TOGARAM1: variants seen among roughly 807,000 people sequenced by gnomAD.
TOGARAM1 encodes the protein TOG array regulator of axonemal microtubules 1, also known as TOG array regulator of axonemal microtubules protein 1.
In TOGARAM1, 100 loss-of-function variants were observed where a neutral mutation model predicts 166.6. That is an observed-to-expected ratio of 0.60 (90% CI 0.51 to 0.71). The LOEUF (loss-of-function observed/expected upper bound fraction) is 0.71, where lower values mean the gene tolerates loss of function less well. TOGARAM1 is among the 30% of genes least tolerant of loss of function. TOGARAM1 has a pLI of 0.00. For synonymous variants in TOGARAM1, 758 were observed against 763.8 expected, an observed-to-expected ratio of 0.99 and a Z score of 0.13; for missense variants, 2,029 against 2,102.7, an observed-to-expected ratio of 0.96 and a Z score of 0.69.
At chr14:45,046,430 T>C in intron 13 of TOGARAM1, 115 bp from the exon 14 acceptor site, 1 of 872,730 alleles carries the variant, frequency 1.1e-6, no homozygotes, top group Non-Finnish European at 1.5e-6. Context: ...AGCAAGACCC[T>C]GTCCCAAAAA....
chr14:45,057,895 T>A (rs1416635881), intron 16 of TOGARAM1, among the ~76,000 whole-genome samples: 1 of 152,218 alleles, frequency 6.6e-6, no homozygotes, highest in Non-Finnish European at 1.5e-5. Context: ...CATGTGCTGA[T>A]GAGAAAGATG....
Position 45,068,611 on chromosome 14 carries a change from C to CA in TOGARAM1, c.4940dup (p.Asn1647LysfsTer40). 1 of 1,610,594 alleles carries CA rather than the reference C, an allele frequency of 6.2e-7. No homozygotes were observed. Among genetic ancestry groups the CA allele is most frequent in the African/African-American group, 1.3e-5 (1 of 74,898 alleles). On this transcript the variant is annotated frameshift_variant, in exon 18 of 20. Coordinates refer to ENST00000361462, the MANE Select transcript of TOGARAM1 (RefSeq NM_001308120.2). LOFTEE classifies it high-confidence loss of function. ...AATCCAGGCATCTATGCGGCTGCTA[C>CA]AAATGTTGTTCAGGCACTGAGTCAG...
intron 1 of TOGARAM1, among the ~76,000 whole-genome samples, chr14:44,984,781 AAAT>A (rs1224296180): frequency 6.6e-6 from 1 of 151,814 alleles, no homozygotes; most frequent in African/African-American, 2.4e-5. Context: ...TCTCTAAAAA[AAAT>A]AAAAATAATT....
rs1400940442 is a variant in TOGARAM1 at position 45,043,701 on chromosome 14, G to A, written c.3828G>A (p.Glu1276=). The A allele has an allele frequency of 6.2e-7, 1 of 1,604,816 alleles. No individual in the cohort carries two copies. The highest frequency in any genetic ancestry group is 8.5e-7 in the Non-Finnish European group (1 of 1,171,736). The change falls in exon 12 of 20, where the codon GAG becomes GAA. Residue 1276 remains glutamate (E), a synonymous_variant. Coordinates refer to ENST00000361462, the MANE Select transcript of TOGARAM1 (RefSeq NM_001308120.2). ...LADEDWEKKI[E]GLNFIRCLAA... is the part of the protein sequence containing the mutation. Reference sequence around the variant, plus strand: ...TTTCTCATAGGGAGAAGAAAATTGAGGGACTGAATTTTATTAGATGCTTAG... The same window carrying A: ...TTTCTCATAGGGAGAAGAAAATTGAAGGACTGAATTTTATTAGATGCTTAG...
intron 1 of TOGARAM1, among the ~76,000 whole-genome samples, chr14:44,971,927 C>T (rs1310318194): frequency 2.6e-5 from 4 of 152,078 alleles, no homozygotes. Context: ...ACTCATAGTT[C>T]CTCATGGCTG....
intron 1 of TOGARAM1, among the ~76,000 whole-genome samples, chr14:44,965,163 G>A (rs1885459781): frequency 6.6e-6 from 1 of 152,046 alleles, no homozygotes; most frequent in Non-Finnish European, 1.5e-5. Context: ...AAAGTAAATT[G>A]TGGATATCTT....
At chr14:45,027,591 CAGT>C in intron 9 of TOGARAM1, 117 bp downstream of exon 9, 4 of 830,046 alleles carry the variant, frequency 4.8e-6, no homozygotes, top group Non-Finnish European at 6.8e-6. Context: ...AATCTTAGTA[CAGT>C]TGAAATTTTG....
At chr14:45,053,032 C>CT (rs1177460413) in intron 15 of TOGARAM1, among the ~76,000 whole-genome samples, 5,237 of 128,642 alleles carry the variant, frequency 0.041, 164 homozygotes, top group South Asian at 0.065. Flanking sequence ...AGTGCAATGT[C>CT]TTTTTTTTTT....
chr14:44,963,475 C>T lies in TOGARAM1; in HGVS notation c.1054C>T (p.Pro352Ser), dbSNP rs780808572. Residue 352 changes from proline to serine, a missense_variant, in exon 1 of 20, where the codon CCT becomes TCT. Around this residue, in one of 2 missense-constraint regions of TOGARAM1, gnomAD observed 1,453 missense variants for 1,432.2 expected, o/e 1.01. Coordinates refer to ENST00000361462, the MANE Select transcript of TOGARAM1 (RefSeq NM_001308120.2). ...CAGCAATCTTAAATTTGGGATTATT[C>T]CTCAGGAGCTGCATTCACGATTATT... ...SNSNLKFGII[P>S]QELHSRLLDQ... 6 of 1,614,174 alleles carry T rather than the reference C, an allele frequency of 3.7e-6. No individual in the cohort carries two copies. Among genetic ancestry groups the T allele is most frequent in the Non-Finnish European group, 5.1e-6 (6 of 1,180,038 alleles).
At chr14:45,011,783 A>T in intron 6 of TOGARAM1, 192 bp from the exon 7 acceptor site, 1 of 417,876 alleles carries the variant, frequency 2.4e-6, no homozygotes. Flanking sequence ...AGCAAAATAT[A>T]TATGTGTGTG....
chr14:44,962,862 A>G lies in TOGARAM1; in HGVS notation c.441A>G (p.Gly147=), dbSNP rs762706089. Residue 147 remains glycine (G), a synonymous_variant, in exon 1 of 20, where the codon GGA becomes GGG. Transcript: ENST00000361462. The part of the protein sequence containing the change: ...YRALGRVLVE[G]GSDEKRLCLQ... Reference sequence around the variant, plus strand: ...CACTGGGCCGAGTGCTTGTGGAAGGAGGTAGTGATGAGAAGCGGCTCTGCT... The same window carrying G: ...CACTGGGCCGAGTGCTTGTGGAAGGGGGTAGTGATGAGAAGCGGCTCTGCT... 6.2e-7 allele frequency: 1 copy of G among 1,613,432 alleles called. No homozygotes were observed. Among genetic ancestry groups the G allele is most frequent in the Non-Finnish European group, 8.5e-7 (1 of 1,180,002 alleles).
At chr14:45,068,321 A>G in intron 17 of TOGARAM1, 103 bp from the exon 18 acceptor site, 1 of 854,272 alleles carries the variant, frequency 1.2e-6, no homozygotes, top group East Asian at 2.7e-5. Context: ...TATATATTTA[A>G]ACTGAGTAAA....
intron 11 of TOGARAM1, among the ~76,000 whole-genome samples, chr14:45,035,476 GAGA>G (rs1566652036): frequency 1.3e-5 from 2 of 152,164 alleles, no homozygotes; most frequent in South Asian, 2.1e-4. Flanking sequence ...TTACCAGACA[GAGA>G]AGGAGACAGA....
chr14:45,066,658 T>C lies in TOGARAM1; in HGVS notation c.4640T>C (p.Ile1547Thr). ...GAAAGTGCTGAGTACCTTAAACTCA[T>C]AACTGGCTTATTAAATGCAAAAGAC... Reference protein sequence around the residue: ...SLESAEYLKLITGLLNAKDFR... With the variant: ...SLESAEYLKLTTGLLNAKDFR... Residue 1547 changes from isoleucine to threonine, a missense_variant, in exon 17 of 20, where the codon ATA becomes ACA. Ile to Thr is a moderately conservative substitution (Grantham distance 89). Transcript: ENST00000361462. 3 of 1,614,018 alleles carry C rather than the reference T, an allele frequency of 1.9e-6. No homozygotes were observed. The highest frequency in any genetic ancestry group is 2.2e-5 in the East Asian group (1 of 44,874).
Position 44,963,042 on chromosome 14 carries a change from G to A in TOGARAM1, c.621G>A (p.Leu207=). The change falls in exon 1 of 20, where the codon CTG becomes CTA. Residue 207 remains leucine (L), a synonymous_variant. Coordinates refer to ENST00000361462, the MANE Select transcript of TOGARAM1 (RefSeq NM_001308120.2). The stretch of plus-strand genomic sequence containing the variant: ...CGCTGCAGATCCTTCATATATGTCT[G>A]AAACGTAGTCCTGGAGAGGTGCTGA... The part of the protein sequence containing the change: ...KDALQILHIC[L]KRSPGEVLRT... The A allele has an allele frequency of 6.2e-7, 1 of 1,614,192 alleles. No individual in the cohort carries two copies. Among genetic ancestry groups the A allele is most frequent in the Non-Finnish European group, 8.5e-7 (1 of 1,180,032 alleles).
rs573366257 is a variant in TOGARAM1 at position 45,030,286 on chromosome 14, TTATC to T, written c.3659-1933_3659-1930del. The stretch of plus-strand genomic sequence containing the variant: ...AATCTCAAGGTTGAAAATTTGGTGT[TTATC>T]TATATCTCTTTCTAATGAGTTATTG... On this transcript the variant is annotated intron_variant, in intron 10 of 19. Transcript: ENST00000361462. Among the ~76,000 whole-genome samples the T allele has an allele frequency of 1.2e-4, 18 of 152,348 alleles. No individual in the cohort carries two copies. The South Asian group carries it at 2.9e-3, about 25-fold the overall frequency.
intron 4 of TOGARAM1, 61 bp downstream of exon 4, chr14:45,004,427 C>A: frequency 7.4e-7 from 1 of 1,359,342 alleles, no homozygotes; most frequent in Non-Finnish European, 1.0e-6. Context: ...GAAGTTAATG[C>A]ATAGGGCTGT....
At chr14:45,002,707 G>A (rs1863558037) in intron 3 of TOGARAM1, among the ~76,000 whole-genome samples, 1 of 152,190 alleles carries the variant, frequency 6.6e-6, no homozygotes, top group Admixed American at 6.5e-5. Flanking sequence ...GCTGTGTGCG[G>A]TGGCTCACGC....
intron 6 of TOGARAM1, among the ~76,000 whole-genome samples, chr14:45,011,068 A>G (rs1879758232): frequency 6.6e-6 from 1 of 152,186 alleles, no homozygotes; most frequent in South Asian, 2.1e-4. Flanking sequence ...ACACTTACTG[A>G]TTTAAAACAG....
Sources: gnomAD v4.1 joint callset for allele counts (sites outside exome capture counted in the v4.1 genomes callset) on GRCh38, gnomAD v4.1.1 for gene constraint, gnomAD v4.1.1 regional missense constraint, MANE v1.5 for transcripts, NCBI Gene and HGNC (gene_info 2026-07-23, HGNC 2026-07-21) for gene names.